Variants in TMOD3 observed in about 807,000 individuals in gnomAD.
TMOD3 encodes tropomodulin-3.
A neutral mutation model predicts 39.2 loss-of-function variants in TMOD3; 20 were observed. The observed-to-expected ratio is 0.51, with a 90% CI of 0.36 to 0.74. The LOEUF (loss-of-function observed/expected upper bound fraction) is 0.74, where lower values mean the gene tolerates loss of function less well. TMOD3 is among the 30% of genes least tolerant of loss of function. The pLI is 0.00. For missense variants in TMOD3, 381 were observed against 412.8 expected (o/e 0.92, Z 0.67); for synonymous variants, 143 against 145.8 (o/e 0.98, Z 0.14).
chr15:51,888,033 C>T (rs914472262), intron 4 of TMOD3, among the ~76,000 whole-genome samples: 8 of 152,072 alleles, frequency 5.3e-5, no homozygotes, highest in East Asian at 1.9e-4. Context: ...ATCTGAACAC[C>T]GAAAAAGAGT....
At chr15:51,896,945 G>A (rs73413157) in intron 7 of TMOD3, among the ~76,000 whole-genome samples, 10,336 of 152,158 alleles carry the variant, frequency 0.068, 604 homozygotes, top group African/African-American at 0.15. Flanking sequence ...ATGTTCATAT[G>A]GTTTTTGTCC....
At chr15:51,906,648 T>C (rs1459965480) in intron 9 of TMOD3, among the ~76,000 whole-genome samples, 1 of 152,222 alleles carries the variant, frequency 6.6e-6, no homozygotes, top group Non-Finnish European at 1.5e-5. Flanking sequence ...ATAACATGCA[T>C]TATAGCATCT....
At position 51,912,128 on chromosome 15, in the gene TMOD3, A is replaced by G. The variant is rs1402441612; in HGVS notation, c.*3318A>G. On this transcript the variant is annotated 3_prime_UTR_variant, in exon 10 of 10. Transcript: ENST00000308580. ...AGGATTCCATGACATAATAAAAATT[A>G]TTTTAAAAAATGTTTTGGGCCGGGT... The G allele has an allele frequency of 6.6e-6, 1 of 152,184 alleles. No individual in the cohort carries two copies. Among genetic ancestry groups the G allele is most frequent in the Admixed American group, 6.5e-5 (1 of 15,268 alleles). The allele number at this position is 152,184 out of a possible 1,614,324, so 9.4% of individuals were successfully genotyped here. A position where few individuals can be genotyped will look rare whatever the true frequency, so the allele number is the denominator to read the frequency against.
At chr15:51,895,837 A>G (rs953191381) in intron 6 of TMOD3, among the ~76,000 whole-genome samples, 1 of 152,154 alleles carries the variant, frequency 6.6e-6, no homozygotes, top group African/African-American at 2.4e-5. Flanking sequence ...GGCTGGGTGC[A>G]GTGACTCATG....
rs1181412870 is a variant in TMOD3, at chr15:51,912,152, G to T, written c.*3342G>T. 6.6e-5 allele frequency: 10 copies of T among 152,202 alleles called. No homozygotes were observed. The highest frequency in any genetic ancestry group is 6.5e-4 in the Admixed American group (10 of 15,282). 9.4% of individuals were successfully genotyped at this position (152,202 alleles called of 1,614,324 possible). A position where few individuals can be genotyped will look rare whatever the true frequency, so the allele number is the denominator to read the frequency against. On this transcript the variant is annotated 3_prime_UTR_variant, in exon 10 of 10. Coordinates refer to ENST00000308580, the MANE Select transcript of TMOD3 (RefSeq NM_014547.5). ...TATTTTAAAAAATGTTTTGGGCCGG[G>T]TGCGGTGGCTCACGCCTGTAATCCT... is the stretch of plus-strand genomic sequence containing the variant.
At chr15:51,855,168 A>T (rs1161277927) in intron 1 of TMOD3, among the ~76,000 whole-genome samples, 10 of 152,244 alleles carry the variant, frequency 6.6e-5, no homozygotes. Context: ...AGTTAAACAG[A>T]ATACACTCTG....
At chr15:51,875,341 G>C (rs1374749754) in intron 3 of TMOD3, 1 of 152,180 alleles carries the variant, frequency 6.6e-6, no homozygotes, top group Admixed American at 6.5e-5. Context: ...CCTCTGAAAA[G>C]TGGTCTTCCC....
chr15:51,910,681 G>A lies in TMOD3; in HGVS notation c.*1871G>A, dbSNP rs2056705887. On this transcript the variant is annotated 3_prime_UTR_variant, in exon 10 of 10. Coordinates refer to ENST00000308580, the MANE Select transcript of TMOD3 (RefSeq NM_014547.5). ...TAATAAGCAAGGCAGCTTCTTGTGT[G>A]CTATGGTAATAAGCCTTCTTAACAG... 6.6e-6 allele frequency: 1 copy of A among 151,940 alleles called. No individual in the cohort carries two copies. The highest frequency in any genetic ancestry group is 2.4e-5 in the African/African-American group (1 of 41,382). 9.4% of individuals were successfully genotyped at this position (151,940 alleles called of 1,614,324 possible).
Position 51,839,880 on chromosome 15 carries a change from A to G in TMOD3, c.-75+10044A>G, listed in dbSNP as rs1472791295. 2.6e-5 allele frequency among the ~76,000 whole-genome samples: 4 copies of G among 152,180 alleles called. 1 individual carries two copies. In the East Asian group the frequency reaches 7.7e-4, roughly 29 times the overall value. On this transcript the variant is annotated intron_variant, in intron 1 of 9. Transcript: ENST00000308580. ...ATAGGGGAGTAGAATATTGATAATC[A>G]AAGAGTGACAATACAGTACAACTTT...
intron 9 of TMOD3, among the ~76,000 whole-genome samples, chr15:51,903,906 C>T (rs1282181933): frequency 2.6e-5 from 4 of 152,320 alleles, no homozygotes; most frequent in African/African-American, 9.6e-5. Flanking sequence ...AAGCCAAGTG[C>T]TCTATTGAAT....
intron 3 of TMOD3, among the ~76,000 whole-genome samples, chr15:51,883,015 G>A (rs2056542673): frequency 6.6e-6 from 1 of 152,098 alleles, no homozygotes; most frequent in Non-Finnish European, 1.5e-5. Flanking sequence ...ACTTATTACA[G>A]TGTATTAGTG....
Position 51,862,944 on chromosome 15 carries a change from C to T in TMOD3, c.60C>T (p.Leu20=), listed in dbSNP as rs2141684582. ...ACAAAGACCTTGATGAAGATGAGCT[C>T]CTTGGGAATCTGTCAGAAACAGAAC... ...EKYKDLDEDE[L]LGNLSETELK... The change falls in exon 2 of 10, where the codon CTC becomes CTT. Residue 20 remains leucine, a synonymous_variant. Coordinates refer to ENST00000308580, the MANE Select transcript of TMOD3 (RefSeq NM_014547.5). 3 of 1,614,038 alleles carry T rather than the reference C, an allele frequency of 1.9e-6. No individual in the cohort carries two copies. The highest frequency in any genetic ancestry group is 2.5e-6 in the Non-Finnish European group (3 of 1,179,946).
At chr15:51,871,376 A>G (rs2056473962) in intron 3 of TMOD3, among the ~76,000 whole-genome samples, 1 of 152,228 alleles carries the variant, frequency 6.6e-6, no homozygotes, top group South Asian at 2.1e-4. Flanking sequence ...ACATAATTTT[A>G]TGAGAAAAAA....
In TMOD3 at chr15:51,889,036, T is replaced by C; in HGVS notation, c.407-20T>C. 6.6e-7 allele frequency: 1 copy of C among 1,508,176 alleles called. No individual in the cohort carries two copies. The highest frequency in any genetic ancestry group is 9.0e-7 in the Non-Finnish European group (1 of 1,108,980). 93.4% of individuals were successfully genotyped at this position (1,508,176 alleles called of 1,614,324 possible). On this transcript the variant is annotated intron_variant, in intron 4 of 9. Transcript: ENST00000308580. ...CTTCATGTTTAAAACAATAAAAACT[T>C]TCTTTTTCTGTATTTATAGCAATTC...
intron 9 of TMOD3, among the ~76,000 whole-genome samples, chr15:51,906,685 C>A (rs2056682892): frequency 6.6e-6 from 1 of 152,142 alleles, no homozygotes; most frequent in Non-Finnish European, 1.5e-5. Flanking sequence ...AACATCCAAA[C>A]CCTGCTGCAA....
Position 51,900,216 on chromosome 15 carries a change from T to G in TMOD3, c.797T>G (p.Phe266Cys). ...TLKSLNVESNFITGVGILALI... is the reference protein window; with the variant it reads ...TLKSLNVESNCITGVGILALI... ...AAGAGCTTAAATGTGGAGTCCAACT[T>G]TATCACGGGAGTTGGGATTCTGGCA... Residue 266 changes from phenylalanine (F) to cysteine (C), a missense_variant, in exon 8 of 10, where the codon TTT becomes TGT. Coordinates refer to ENST00000308580, the MANE Select transcript of TMOD3 (RefSeq NM_014547.5). 1 of 1,614,204 alleles carries G rather than the reference T, an allele frequency of 6.2e-7. No homozygotes were observed. The highest frequency in any genetic ancestry group is 8.5e-7 in the Non-Finnish European group (1 of 1,180,014).
At position 51,897,762 on chromosome 15, in the gene TMOD3, C is replaced by T. The variant is rs183686205; in HGVS notation, c.735+1236C>T. Among the ~76,000 whole-genome samples, 108 of 133,870 alleles carry T rather than the reference C, an allele frequency of 8.1e-4. No homozygotes were observed. In the East Asian group the frequency reaches 0.024, roughly 30 times the overall value. The allele number at this position is 133,870 out of a possible 152,430, so 87.8% of individuals were successfully genotyped here. On this transcript the variant is annotated intron_variant, in intron 7 of 9. Coordinates refer to ENST00000308580, the MANE Select transcript of TMOD3 (RefSeq NM_014547.5). ...CCTCCCAAAGTGCTAGGATTACAGG[C>T]GTGAGCCACCACGCCCAGCAAAAAA...
chr15:51,899,317 A>C (rs182267305), intron 7 of TMOD3, among the ~76,000 whole-genome samples: 1 of 152,320 alleles, frequency 6.6e-6, no homozygotes, highest in East Asian at 1.9e-4. Context: ...GAATGTCACC[A>C]ACGGGGAATT....
At chr15:51,848,171 G>A (rs1191509127) in intron 1 of TMOD3, among the ~76,000 whole-genome samples, 2 of 152,210 alleles carry the variant, frequency 1.3e-5, no homozygotes, top group African/African-American at 4.8e-5. Context: ...AAGCTACCTA[G>A]TTTATGGTAT....
Sources: gnomAD v4.1 joint callset for allele counts (sites outside exome capture counted in the v4.1 genomes callset) on GRCh38, gnomAD v4.1.1 for gene constraint, MANE v1.5 for transcripts, NCBI Gene and HGNC (gene_info 2026-07-23, HGNC 2026-07-21) for gene names.